The following FAT3 variants were observed in gnomAD, a reference collection of about 807,000 sequenced individuals.
FAT3 encodes protocadherin Fat 3.
A neutral mutation model predicts 310.2 loss-of-function variants in FAT3; 95 were observed. The observed-to-expected ratio is 0.31, with a 90% CI of 0.26 to 0.36. The LOEUF is 0.36. FAT3 is among the 10% of genes least tolerant of loss of function. The probability of loss-of-function intolerance (pLI) is 1.00; values close to 1 mark genes in which losing one functional copy is unlikely to be tolerated. For synonymous variants in FAT3, 2,314 were observed against 2,192.9 expected (o/e 1.06, Z -1.54); for missense variants, 5,408 against 5,715.6 (o/e 0.95, Z 1.74).
At chr11:92,383,724 T>C (rs1164962060) in intron 2 of FAT3, among the ~76,000 whole-genome samples, 1 of 152,198 alleles carries the variant, frequency 6.6e-6, no homozygotes, top group Non-Finnish European at 1.5e-5. Context: ...TCCTCCAGGA[T>C]CTCATGAGAG....
chr11:92,266,033 G>T (rs1461316130), intron 1 of FAT3, among the ~76,000 whole-genome samples: 1 of 151,874 alleles, frequency 6.6e-6, no homozygotes, highest in African/African-American at 2.4e-5. Context: ...TTTAACATTT[G>T]TCCCAGCTAA....
At chr11:92,595,287 T>C (rs1279687337) in intron 3 of FAT3, among the ~76,000 whole-genome samples, 1 of 152,060 alleles carries the variant, frequency 6.6e-6, no homozygotes, top group Non-Finnish European at 1.5e-5. Flanking sequence ...CATCAAGGCT[T>C]CTCAGAGAGT....
At chr11:92,602,719 T>C (rs2135592965) in intron 3 of FAT3, among the ~76,000 whole-genome samples, 1 of 152,334 alleles carries the variant, frequency 6.6e-6, no homozygotes, top group South Asian at 2.1e-4. Context: ...TTTGCTTTGT[T>C]GTTAAACAGC....
chr11:92,318,261 T>C (rs1410896748), intron 1 of FAT3, among the ~76,000 whole-genome samples: 1 of 152,058 alleles, frequency 6.6e-6, no homozygotes, highest in Non-Finnish European at 1.5e-5. Context: ...AGAGGAAAAG[T>C]TGTGATTTTC....
At chr11:92,462,068 C>T (rs2135112967) in intron 2 of FAT3, among the ~76,000 whole-genome samples, 1 of 152,306 alleles carries the variant, frequency 6.6e-6, no homozygotes, top group South Asian at 2.1e-4. Context: ...TATACATTTT[C>T]TTCAGTTACT....
At chr11:92,837,906 G>C (rs757956832) in intron 17 of FAT3, 100 bp downstream of exon 17, 303 of 1,420,088 alleles carry the variant, frequency 2.1e-4, no homozygotes, top group Non-Finnish European at 2.8e-4. Flanking sequence ...ATTACTTAAT[G>C]TCATCTCATC....
chr11:92,352,805 T>G lies in FAT3; in HGVS notation c.693T>G (p.Ile231Met). 1 of 1,613,910 alleles carries G rather than the reference T, an allele frequency of 6.2e-7. No homozygotes were observed. Among genetic ancestry groups the G allele is most frequent in the East Asian group, 2.2e-5 (1 of 44,872 alleles). Reference sequence around the variant, plus strand: ...AAAAGAATAGGTATGATCTGGAAATTTTGGCTGTGGACCGGGGAATGAAAC... The same window carrying G: ...AAAAGAATAGGTATGATCTGGAAATGTTGGCTGTGGACCGGGGAATGAAAC... ...YDEKNRYDLE[I>M]LAVDRGMKLY... is the part of the protein sequence containing the mutation. The change falls in exon 2 of 28, where the codon ATT becomes ATG. Residue 231 changes from isoleucine (I) to methionine (M), a missense_variant. Ile to Met is a conservative substitution (Grantham distance 10, BLOSUM62 1). Transcript: ENST00000525166.
intron 13 of FAT3, among the ~76,000 whole-genome samples, chr11:92,817,979 T>C (rs1410301174): frequency 6.6e-6 from 1 of 152,170 alleles, no homozygotes; most frequent in Non-Finnish European, 1.5e-5. Flanking sequence ...GAAAAGCATC[T>C]CACATGCCCT....
At chr11:92,683,451 TC>T (rs1252868846) in intron 3 of FAT3, among the ~76,000 whole-genome samples, 1 of 152,196 alleles carries the variant, frequency 6.6e-6, no homozygotes, top group Admixed American at 6.5e-5. Flanking sequence ...GTAAAAGTAC[TC>T]CTTTTCTAAC....
intron 3 of FAT3, among the ~76,000 whole-genome samples, chr11:92,572,947 T>C (rs994665313): frequency 6.6e-6 from 1 of 152,186 alleles, no homozygotes; most frequent in Non-Finnish European, 1.5e-5. Context: ...AATATATCCA[T>C]GTCAAAATTG....
chr11:92,414,145 A>G (rs1339056291), intron 2 of FAT3, among the ~76,000 whole-genome samples: 2 of 152,126 alleles, frequency 1.3e-5, no homozygotes, highest in African/African-American at 4.8e-5. Context: ...ATAATTTCCT[A>G]TCCTTGTCAC....
At chr11:92,439,619 A>G (rs1266588252) in intron 2 of FAT3, among the ~76,000 whole-genome samples, 9 of 152,036 alleles carry the variant, frequency 5.9e-5, no homozygotes, top group African/African-American at 2.4e-5. Context: ...CTATCCTCCT[A>G]CTAGACCTGC....
intron 1 of FAT3, among the ~76,000 whole-genome samples, chr11:92,273,296 T>G (rs1591037954): frequency 3.9e-5 from 6 of 152,270 alleles, no homozygotes; most frequent in Admixed American, 3.9e-4. Flanking sequence ...GTAAAATTAC[T>G]TCTTTAACAT....
At chr11:92,461,785 CA>C (rs1036850216) in intron 2 of FAT3, among the ~76,000 whole-genome samples, 1 of 152,166 alleles carries the variant, frequency 6.6e-6, no homozygotes, top group African/African-American at 2.4e-5. Flanking sequence ...GTTAGATGTT[CA>C]AATAGGGGAA....
At chr11:92,741,940 TGCTATTAGAA>T (rs1237807812) in intron 4 of FAT3, among the ~76,000 whole-genome samples, 2 of 152,212 alleles carry the variant, frequency 1.3e-5, no homozygotes, top group African/African-American at 4.8e-5. Flanking sequence ...TAAAATAGCA[TGCTATTAGAA>T]GTAGGAAAAC....
chr11:92,514,971 T>G (rs1953430468), intron 2 of FAT3, among the ~76,000 whole-genome samples: 1 of 152,148 alleles, frequency 6.6e-6, no homozygotes, highest in Admixed American at 6.6e-5. Flanking sequence ...GAACAGAGTC[T>G]GGGTTCTGGG....
intron 3 of FAT3, among the ~76,000 whole-genome samples, chr11:92,593,438 T>G (rs1939540496): frequency 6.6e-6 from 1 of 151,910 alleles, no homozygotes; most frequent in Non-Finnish European, 1.5e-5. Context: ...TCACATGCCA[T>G]TTTCTTTTTT....
At chr11:92,835,154 A>G in intron 15 of FAT3, 70 bp downstream of exon 15, 1 of 1,351,862 alleles carries the variant, frequency 7.4e-7, no homozygotes, top group Non-Finnish European at 1.0e-6. Context: ...TGAAGAAGAA[A>G]GCAAAGTCCG....
chr11:92,571,407 G>A (rs552344363), intron 3 of FAT3, among the ~76,000 whole-genome samples: 7 of 152,266 alleles, frequency 4.6e-5, no homozygotes, highest in South Asian at 2.1e-4. Flanking sequence ...AGCTATCACC[G>A]CAGGACCTGC....
Sources: allele counts gnomAD v4.1 joint callset (sites outside exome capture counted in the v4.1 genomes callset), GRCh38; gene constraint gnomAD v4.1.1; transcripts MANE v1.5; gene names NCBI Gene and HGNC (gene_info 2026-07-23, HGNC 2026-07-21).